Variants in ZNF704 observed in about 807,000 individuals in gnomAD.
ZNF704 encodes the protein zinc finger protein 704.
In ZNF704, 10 loss-of-function variants were observed where a neutral mutation model predicts 44.7. The ratio of observed to expected loss-of-function variants is 0.22; its 90% confidence interval spans 0.14 to 0.38. ZNF704 has a LOEUF of 0.38. Among genes scored for constraint, ZNF704 ranks in the 10% least tolerant of loss-of-function variants. ZNF704 has a pLI of 1.00. For synonymous variants in ZNF704, 211 were observed against 207.6 expected, an observed-to-expected ratio of 1.02 and a Z score of -0.14; for missense variants, 390 against 545.5, an observed-to-expected ratio of 0.71 and a Z score of 2.84.
intron 1 of ZNF704, among the ~76,000 whole-genome samples, chr8:80,872,844 G>A (rs895338363): frequency 6.6e-6 from 1 of 151,924 alleles, no homozygotes; most frequent in Non-Finnish European, 1.5e-5. Context: ...CCTTTTCCTG[G>A]TTTCCTCTTT....
At chr8:80,748,670 G>A (rs1806888462) in intron 2 of ZNF704, among the ~76,000 whole-genome samples, 1 of 152,188 alleles carries the variant, frequency 6.6e-6, no homozygotes, top group Non-Finnish European at 1.5e-5. Flanking sequence ...TTATTCTTGG[G>A]TGGGACGAAC....
At chr8:80,818,326 T>C (rs1808210708) in intron 2 of ZNF704, among the ~76,000 whole-genome samples, 1 of 151,980 alleles carries the variant, frequency 6.6e-6, no homozygotes, top group Non-Finnish European at 1.5e-5. Context: ...CAAAATATCA[T>C]ATATATATTT....
rs192013520 is a variant in ZNF704 at position 80,798,444 on chromosome 8, A to T, written c.221+22930T>A. ...CTAATTTTGTATTTTTAGTAGAGAC[A>T]GGGTTTCTCCATGTTGGTCAGGCTG... is the stretch of plus-strand genomic sequence containing the variant. On this transcript the variant is annotated intron_variant, in intron 2 of 8. Coordinates refer to ENST00000327835, the MANE Select transcript of ZNF704 (RefSeq NM_001033723.3). 3.6e-3 allele frequency among the ~76,000 whole-genome samples: 550 copies of T among 152,220 alleles called. 1 individual carries two copies. Among genetic ancestry groups the T allele is most frequent in the South Asian group, 0.014 (69 of 4,820 alleles).
intron 4 of ZNF704, among the ~76,000 whole-genome samples, chr8:80,681,602 T>G (rs1295384633): frequency 2.0e-5 from 3 of 152,162 alleles, no homozygotes; most frequent in African/African-American, 7.2e-5. Flanking sequence ...TAAAATGGGT[T>G]CATTTTATTC....
At position 80,678,059 on chromosome 8, in the gene ZNF704, C is replaced by T. The variant is rs906948677; in HGVS notation, c.559-7456G>A. On this transcript the variant is annotated intron_variant, in intron 4 of 8. Coordinates refer to ENST00000327835, the MANE Select transcript of ZNF704 (RefSeq NM_001033723.3). ...TACATTTCTCTTCCAATCTTGCATACCCTACACTGGTAGCTACCTGAGGAA... is the reference window on the plus strand; with the variant it reads ...TACATTTCTCTTCCAATCTTGCATATCCTACACTGGTAGCTACCTGAGGAA... 4.6e-5 allele frequency among the ~76,000 whole-genome samples: 7 copies of T among 152,258 alleles called. No individual in the cohort carries two copies. The South Asian group carries it at 1.0e-3, about 23-fold the overall frequency.
intron 2 of ZNF704, among the ~76,000 whole-genome samples, chr8:80,786,703 G>A (rs1474497352): frequency 6.6e-6 from 1 of 152,152 alleles, no homozygotes; most frequent in African/African-American, 2.4e-5. Context: ...TCATAAATAG[G>A]TGTGCTCAGT....
chr8:80,673,243 T>A (rs1175803800), intron 4 of ZNF704: 3 of 152,246 alleles, frequency 2.0e-5, no homozygotes, highest in African/African-American at 7.2e-5. Context: ...ACCGACTTCC[T>A]GGATTCTGTG....
intron 1 of ZNF704, among the ~76,000 whole-genome samples, chr8:80,827,612 A>G (rs1808400313): frequency 6.6e-6 from 1 of 152,216 alleles, no homozygotes; most frequent in Non-Finnish European, 1.5e-5. Flanking sequence ...CCACATTGCC[A>G]AGTCAATCCT....
At chr8:80,873,242 C>T (rs958438857) in intron 1 of ZNF704, among the ~76,000 whole-genome samples, 2 of 152,280 alleles carry the variant, frequency 1.3e-5, no homozygotes, top group African/African-American at 4.8e-5. Flanking sequence ...ACCCAAGTTC[C>T]CCACCTCACT....
chr8:80,755,827 C>T (rs1234161771), intron 2 of ZNF704, among the ~76,000 whole-genome samples: 2 of 152,110 alleles, frequency 1.3e-5, no homozygotes, highest in African/African-American at 4.8e-5. Flanking sequence ...AGCTGAAGGC[C>T]AGCTGCAGTG....
At chr8:80,690,880 A>C (rs1818622177) in intron 3 of ZNF704, among the ~76,000 whole-genome samples, 1 of 152,206 alleles carries the variant, frequency 6.6e-6, no homozygotes, top group African/African-American at 2.4e-5. Flanking sequence ...GTGGTGGCAC[A>C]TGCCAGTAAT....
Position 80,823,530 on chromosome 8 carries a change from T to C in ZNF704, c.-21-1915A>G, listed in dbSNP as rs1245241709. ...CTGAACAAAAGGCAGCAGCAACTTCTGCAGACTTACACGTCCCTGTCTGAC... is the reference window on the plus strand; with the variant it reads ...CTGAACAAAAGGCAGCAGCAACTTCCGCAGACTTACACGTCCCTGTCTGAC... On this transcript the variant is annotated intron_variant, in intron 1 of 8. Coordinates refer to ENST00000327835, the MANE Select transcript of ZNF704 (RefSeq NM_001033723.3). Among the ~76,000 whole-genome samples, 3 of 152,378 alleles carry C rather than the reference T, an allele frequency of 2.0e-5. No homozygotes were observed. The East Asian group carries it at 5.8e-4, about 29-fold the overall frequency.
intron 1 of ZNF704, among the ~76,000 whole-genome samples, chr8:80,862,870 G>C (rs1809091871): frequency 6.7e-6 from 1 of 149,618 alleles, no homozygotes; most frequent in African/African-American, 2.5e-5. Context: ...ACACCCACCA[G>C]CCACTCATGT....
At chr8:80,862,150 C>A (rs1809074702) in intron 1 of ZNF704, among the ~76,000 whole-genome samples, 1 of 151,354 alleles carries the variant, frequency 6.6e-6, no homozygotes, top group African/African-American at 2.4e-5. Context: ...ATTACAGGCA[C>A]CCGCCACCAC....
At chr8:80,651,637 C>T (rs955941200) in intron 7 of ZNF704, among the ~76,000 whole-genome samples, 1 of 152,174 alleles carries the variant, frequency 6.6e-6, no homozygotes, top group Non-Finnish European at 1.5e-5. Flanking sequence ...TATATATGCA[C>T]CCAATACAGG....
intron 1 of ZNF704, among the ~76,000 whole-genome samples, chr8:80,830,139 G>T (rs1381898203): frequency 6.6e-6 from 1 of 152,092 alleles, no homozygotes; most frequent in Non-Finnish European, 1.5e-5. Context: ...ATATAACGTC[G>T]AGTCTTAAGA....
chr8:80,717,777 T>TG (rs1213130956), intron 2 of ZNF704, among the ~76,000 whole-genome samples: 2 of 152,200 alleles, frequency 1.3e-5, no homozygotes, highest in Non-Finnish European at 2.9e-5. Context: ...GAAATGTAGC[T>TG]CTCATCATGA....
chr8:80,822,104 A>G (rs1451403253), intron 1 of ZNF704, among the ~76,000 whole-genome samples: 2 of 152,036 alleles, frequency 1.3e-5, no homozygotes, highest in African/African-American at 4.8e-5. Context: ...AACAGTTAAG[A>G]TTTTTTTATT....
chr8:80,637,129 T>C lies in ZNF704; in HGVS notation c.*4237A>G, dbSNP rs1817676273. 6.6e-6 allele frequency: 1 copy of C among 151,464 alleles called. No homozygotes were observed. Among genetic ancestry groups the C allele is most frequent in the African/African-American group, 2.4e-5 (1 of 41,176 alleles). The allele number at this position is 151,464 out of a possible 1,614,324, so 9.4% of individuals were successfully genotyped here. On this transcript the variant is annotated 3_prime_UTR_variant, in exon 9 of 9. Transcript: ENST00000327835. ...GGCTACAGGTCAGCTCCAAACCGTT[T>C]TCCCAGGGCACTCCCCTATGCCTCA...
Sources: allele counts gnomAD v4.1 joint callset (sites outside exome capture counted in the v4.1 genomes callset), GRCh38; gene constraint gnomAD v4.1.1; transcripts MANE v1.5; gene names NCBI Gene and HGNC (gene_info 2026-07-23, HGNC 2026-07-21).